Variants in GALNT2 observed in about 807,000 individuals in gnomAD.
The protein encoded by GALNT2 is UDP-GalNAc:polypeptide N-acetylgalactosaminyltransferase 2.
In GALNT2, 31 loss-of-function variants were observed where a neutral mutation model predicts 81.4. The ratio of observed to expected loss-of-function variants is 0.38; its 90% CI spans 0.29 to 0.51. GALNT2 has a LOEUF of 0.51. Among genes scored for constraint, GALNT2 ranks in the 20% least tolerant of loss-of-function variants. The pLI, the probability that GALNT2 is intolerant of heterozygous loss-of-function variation, is 0.87. For synonymous variants in GALNT2, 303 were observed against 287.4 expected, an observed-to-expected ratio of 1.05 and a Z score of -0.55; for missense variants, 629 against 765.7, an observed-to-expected ratio of 0.82 and a Z score of 2.11.
intron 1 of GALNT2, among the ~76,000 whole-genome samples, chr1:230,166,815 C>T (rs1662618846): frequency 6.6e-6 from 1 of 152,180 alleles, no homozygotes; most frequent in South Asian, 2.1e-4. Flanking sequence ...AATTGCTGTA[C>T]AGAGAACCTC....
intron 2 of GALNT2, among the ~76,000 whole-genome samples, chr1:230,202,680 A>G (rs1663927499): frequency 6.6e-6 from 1 of 152,172 alleles, no homozygotes; most frequent in African/African-American, 2.4e-5. Context: ...TTTAGGGGTT[A>G]TTTTTTGTAT....
Position 230,250,474 on chromosome 1 carries a change from G to A in GALNT2, c.923G>A (p.Gly308Asp). The change falls in exon 10 of 16, where the codon GGT becomes GAT. Residue 308 changes from glycine (G) to aspartate (D), a missense_variant. Transcript: ENST00000366672. ...CTCTTTAGAACCCCCATGATTGCTG[G>A]TGGGCTGTTTGTGATGGATAAGTTC... The part of the protein sequence containing the change: ...VAPIKTPMIA[G>D]GLFVMDKFYF... 1.2e-6 allele frequency: 2 copies of A among 1,613,912 alleles called. No homozygotes were observed. Among genetic ancestry groups the A allele is most frequent in the Non-Finnish European group, 1.7e-6 (2 of 1,179,896 alleles).
intron 14 of GALNT2, among the ~76,000 whole-genome samples, chr1:230,272,550 C>T (rs1417788533): frequency 6.6e-6 from 1 of 151,986 alleles, no homozygotes; most frequent in African/African-American, 2.4e-5. Flanking sequence ...AATGGAAGAC[C>T]CGGGAAGTGA....
chr1:230,260,439 T>C (rs1665845444), intron 11 of GALNT2, among the ~76,000 whole-genome samples: 1 of 152,002 alleles, frequency 6.6e-6, no homozygotes, highest in African/African-American at 2.4e-5. Context: ...CAGAAAAGAG[T>C]TGCTTTGCGT....
chr1:230,102,230 G>A (rs1441321721), intron 1 of GALNT2, among the ~76,000 whole-genome samples: 1 of 152,198 alleles, frequency 6.6e-6, no homozygotes, highest in Non-Finnish European at 1.5e-5. Context: ...AGCCCCAGGA[G>A]GGCAGGTATG....
At chr1:230,229,643 A>C (rs1004734261) in intron 3 of GALNT2, among the ~76,000 whole-genome samples, 1 of 152,174 alleles carries the variant, frequency 6.6e-6, no homozygotes, top group African/African-American at 2.4e-5. Flanking sequence ...GTTGTTTCTA[A>C]TGGAGAGAAT....
chr1:230,212,589 G>A (rs1664266430), intron 3 of GALNT2, among the ~76,000 whole-genome samples: 1 of 152,042 alleles, frequency 6.6e-6, no homozygotes, highest in Non-Finnish European at 1.5e-5. Context: ...CTGTTGGAAG[G>A]GTGCTGGCAG....
At chr1:230,189,622 A>AT (rs908466735) in intron 2 of GALNT2, among the ~76,000 whole-genome samples, 3 of 152,296 alleles carry the variant, frequency 2.0e-5, no homozygotes, top group African/African-American at 7.2e-5. Flanking sequence ...GGGTTCTGGC[A>AT]TTGTGCATTT....
intron 1 of GALNT2, among the ~76,000 whole-genome samples, chr1:230,172,454 CTG>C (rs1278788762): frequency 3.3e-5 from 5 of 152,236 alleles, no homozygotes; most frequent in Non-Finnish European, 7.3e-5. Context: ...CCCTCAGACA[CTG>C]TGTGAGGTAA....
intron 1 of GALNT2, among the ~76,000 whole-genome samples, chr1:230,128,374 C>T (rs1661260003): frequency 6.8e-6 from 1 of 147,336 alleles, no homozygotes; most frequent in Non-Finnish European, 1.5e-5. Flanking sequence ...CTGAAGCCGT[C>T]AGCCACTTGG....
chr1:230,065,480 T>C (rs1020408993), upstream of GALNT2, among the ~76,000 whole-genome samples: 5 of 152,332 alleles, frequency 3.3e-5, no homozygotes, highest in African/African-American at 1.2e-4. Context: ...CAGTTTGACA[T>C]GTGGTATTAC....
Position 230,215,305 on chromosome 1 carries a change from G to A in GALNT2, c.374+12015G>A, listed in dbSNP as rs142053377. Among the ~76,000 whole-genome samples the A allele has an allele frequency of 5.9e-3, 905 of 152,314 alleles. 10 individuals are homozygous for A. The highest frequency in any genetic ancestry group is 0.021 in the African/African-American group (860 of 41,582). On this transcript the variant is annotated intron_variant, in intron 3 of 15. Transcript: ENST00000366672. ...ACCTACAAGACCATCGCTTCTGCTCGGCTCAGTCGGCCGTTTGGCTCTATG... is the reference window on the plus strand; with the variant it reads ...ACCTACAAGACCATCGCTTCTGCTCAGCTCAGTCGGCCGTTTGGCTCTATG...
chr1:230,133,226 G>A (rs1661426358), intron 1 of GALNT2, among the ~76,000 whole-genome samples: 2 of 152,042 alleles, frequency 1.3e-5, no homozygotes, highest in Admixed American at 1.3e-4. Flanking sequence ...TCTTTACTAT[G>A]TCCTTGGAAT....
At chr1:230,080,859 C>A (rs1659704170) in intron 1 of GALNT2, among the ~76,000 whole-genome samples, 1 of 152,216 alleles carries the variant, frequency 6.6e-6, no homozygotes, top group Admixed American at 6.5e-5. Flanking sequence ...GTGCCTGGTA[C>A]ATACATAGTA....
intron 1 of GALNT2, among the ~76,000 whole-genome samples, chr1:230,105,926 C>T (rs1283503262): frequency 6.6e-6 from 1 of 152,212 alleles, no homozygotes; most frequent in African/African-American, 2.4e-5. Flanking sequence ...ACTTTCATCT[C>T]TCCAGCCTCT....
intron 1 of GALNT2, among the ~76,000 whole-genome samples, chr1:230,144,680 G>A (rs141478039): frequency 4.9e-4 from 74 of 152,232 alleles, no homozygotes; most frequent in African/African-American, 1.7e-3. Context: ...TGGTAGTGGT[G>A]TGTTTTAAAG....
intron 1 of GALNT2, among the ~76,000 whole-genome samples, chr1:230,131,723 C>T (rs1293013586): frequency 1.3e-5 from 2 of 152,120 alleles, no homozygotes; most frequent in Admixed American, 1.3e-4. Flanking sequence ...CTTGGCTGGT[C>T]CAGGTATGGG....
intron 1 of GALNT2, among the ~76,000 whole-genome samples, chr1:230,117,997 T>C (rs904126340): frequency 1.3e-5 from 2 of 152,246 alleles, no homozygotes; most frequent in Non-Finnish European, 2.9e-5. Context: ...GAATTGTCTG[T>C]GTGCTCCCTG....
chr1:230,239,551 AAGCCAGTCC>A (rs1209035532), intron 6 of GALNT2, among the ~76,000 whole-genome samples: 5 of 152,232 alleles, frequency 3.3e-5, no homozygotes, highest in Admixed American at 2.6e-4. Context: ...GGGGGAGACC[AAGCCAGTCC>A]AGTCTCTCTA....
Sources: allele counts gnomAD v4.1 joint callset (sites outside exome capture counted in the v4.1 genomes callset), GRCh38; gene constraint gnomAD v4.1.1; transcripts MANE v1.5; gene names NCBI Gene and HGNC (gene_info 2026-07-23, HGNC 2026-07-21).